The following PACSIN2 variants were observed in gnomAD, a reference collection of about 807,000 sequenced individuals.
PACSIN2 encodes the protein protein kinase C and casein kinase substrate in neurons protein 2.
A neutral mutation model predicts 63.8 loss-of-function variants in PACSIN2; 25 were observed. The observed-to-expected ratio is 0.39, with a 90% CI of 0.29 to 0.55. PACSIN2 has a LOEUF of 0.55. Among genes scored for constraint, PACSIN2 ranks in the 20% least tolerant of loss-of-function variants. The pLI is 0.62. For missense variants in PACSIN2, 518 were observed against 646.9 expected, an observed-to-expected ratio of 0.80 and a Z score of 2.16; for synonymous variants, 255 against 256.2, an observed-to-expected ratio of 1.00 and a Z score of 0.05.
intron 2 of PACSIN2, among the ~76,000 whole-genome samples, chr22:42,901,968 G>A (rs76046212): frequency 5.7e-4 from 87 of 152,312 alleles, no homozygotes; most frequent in Middle Eastern, 3.4e-3. Context: ...GTCTGCTGAT[G>A]CCACCAGCTG....
At chr22:42,898,429 G>C (rs1353161220) in intron 2 of PACSIN2, among the ~76,000 whole-genome samples, 1 of 151,926 alleles carries the variant, frequency 6.6e-6, no homozygotes, top group Non-Finnish European at 1.5e-5. Context: ...GCGCCACCAC[G>C]CCCAGCTAAT....
rs898827517 is a variant in PACSIN2, at chr22:42,871,254, T to C, written c.*103A>G. On this transcript the variant is annotated 3_prime_UTR_variant, in exon 11 of 11. Coordinates refer to ENST00000263246, the MANE Select transcript of PACSIN2 (RefSeq NM_001184970.3). The surrounding 1 kb of genome is among the most constrained non-coding windows in gnomAD (Gnocchi z 5.4). ...AGGAACACCATGAAGCCAAGAGCAA[T>C]GGAACCATCATCTCTTGCAGGAAAA... The C allele has an allele frequency of 5.4e-6, 4 of 747,054 alleles. No individual in the cohort carries two copies. Among genetic ancestry groups the C allele is most frequent in the African/African-American group, 1.7e-5 (1 of 58,290 alleles). 46.3% of individuals were successfully genotyped at this position (747,054 alleles called of 1,614,324 possible). A position where few individuals can be genotyped will look rare whatever the true frequency, so the allele number is the denominator to read the frequency against.
Position 42,905,234 on chromosome 22 carries a change from G to A in PACSIN2, c.60+6787C>T, listed in dbSNP as rs140853278. ...GCATTCAGAATGATGGCATTCACAC[G>A]GGGGGAAGACAGGTCTGTCTGCACA... is the stretch of plus-strand genomic sequence containing the variant. On this transcript the variant is annotated intron_variant, in intron 2 of 10. Transcript: ENST00000263246. Among the ~76,000 whole-genome samples the A allele has an allele frequency of 2.1e-3, 318 of 152,316 alleles. 1 individual carries two copies. The highest frequency in any genetic ancestry group is 7.0e-3 in the African/African-American group (293 of 41,570).
At chr22:42,976,375 G>A (rs1479755970) in intron 1 of PACSIN2, among the ~76,000 whole-genome samples, 1 of 152,210 alleles carries the variant, frequency 6.6e-6, no homozygotes, top group Non-Finnish European at 1.5e-5. Context: ...ATGCACACTT[G>A]CTCCAGACAG....
intron 2 of PACSIN2, among the ~76,000 whole-genome samples, chr22:42,893,907 G>C (rs1930101100): frequency 6.6e-6 from 1 of 152,158 alleles, no homozygotes; most frequent in Non-Finnish European, 1.5e-5. Context: ...GCTCAGGAAG[G>C]GGTGGGGCTG....
intron 4 of PACSIN2, among the ~76,000 whole-genome samples, chr22:42,889,263 G>A (rs908607141): frequency 1.4e-4 from 22 of 151,960 alleles, no homozygotes; most frequent in African/African-American, 4.8e-5. Flanking sequence ...ATGCCAGGCC[G>A]CAGGATCGGC....
At chr22:42,925,628 C>T (rs1932489470) in intron 1 of PACSIN2, among the ~76,000 whole-genome samples, 2 of 152,048 alleles carry the variant, frequency 1.3e-5, no homozygotes, top group South Asian at 4.1e-4. Context: ...AGTTGAAGAG[C>T]CTGGGTAATT....
chr22:42,877,516 T>A (rs1928736370), intron 8 of PACSIN2, among the ~76,000 whole-genome samples: 1 of 152,174 alleles, frequency 6.6e-6, no homozygotes, highest in Admixed American at 6.5e-5. Flanking sequence ...CTCGCTCTTC[T>A]GCTCTGTGGA....
intron 1 of PACSIN2, among the ~76,000 whole-genome samples, chr22:42,995,795 G>A (rs1296139382): frequency 1.3e-5 from 2 of 152,196 alleles, no homozygotes; most frequent in African/African-American, 4.8e-5. Context: ...CAGGCACAGT[G>A]ACCCACACCT....
At chr22:43,003,933 T>C (rs913482592) in intron 1 of PACSIN2, among the ~76,000 whole-genome samples, 1 of 152,140 alleles carries the variant, frequency 6.6e-6, no homozygotes, top group East Asian at 1.9e-4. Flanking sequence ...TGTGCCCTTA[T>C]CTCCCTGCTG....
At chr22:42,922,916 G>T (rs1404770674) in intron 1 of PACSIN2, among the ~76,000 whole-genome samples, 1 of 152,114 alleles carries the variant, frequency 6.6e-6, no homozygotes, top group Non-Finnish European at 1.5e-5. Context: ...CTGGGGGTGG[G>T]GCGGGCTTAC....
chr22:42,929,362 T>C (rs1932726073), intron 1 of PACSIN2, among the ~76,000 whole-genome samples: 1 of 152,238 alleles, frequency 6.6e-6, no homozygotes, highest in Non-Finnish European at 1.5e-5. Context: ...CAATTAATAT[T>C]TGTATCTTGC....
chr22:43,009,458 C>T (rs1924309680), intron 1 of PACSIN2, among the ~76,000 whole-genome samples: 1 of 152,178 alleles, frequency 6.6e-6, no homozygotes, highest in African/African-American at 2.4e-5. Flanking sequence ...TGGAATAATC[C>T]AGTTCTTAAT....
chr22:42,955,769 G>A (rs8135128), intron 1 of PACSIN2, among the ~76,000 whole-genome samples: 9,168 of 152,240 alleles, frequency 0.06, 905 homozygotes, highest in African/African-American at 0.21. Flanking sequence ...TGAGGTGACC[G>A]TCCCTATAGA....
chr22:42,952,105 T>C (rs973088205), intron 1 of PACSIN2, among the ~76,000 whole-genome samples: 14 of 152,208 alleles, frequency 9.2e-5, no homozygotes, highest in Non-Finnish European at 1.6e-4. Context: ...ACCTGCCAAA[T>C]TATCTTTTCT....
intron 10 of PACSIN2, among the ~76,000 whole-genome samples, chr22:42,874,722 C>T (rs1278533959): frequency 2.0e-5 from 3 of 152,234 alleles, no homozygotes; most frequent in Non-Finnish European, 4.4e-5. Context: ...TGGCCAACAG[C>T]TTCTCCAGAT....
chr22:42,940,316 C>T (rs1220398949), intron 1 of PACSIN2, among the ~76,000 whole-genome samples: 1 of 152,162 alleles, frequency 6.6e-6, no homozygotes, highest in Non-Finnish European at 1.5e-5. Context: ...CAGAGTGAGT[C>T]ATTAGATCGT....
chr22:42,995,087 C>T (rs538431984), intron 1 of PACSIN2, among the ~76,000 whole-genome samples: 10 of 152,362 alleles, frequency 6.6e-5, no homozygotes, highest in East Asian at 1.9e-4. Flanking sequence ...CTCCCCGCCT[C>T]GGGGCTGCTC....
intron 1 of PACSIN2, among the ~76,000 whole-genome samples, chr22:42,986,553 G>A (rs1435197627): frequency 2.6e-5 from 4 of 152,164 alleles, no homozygotes; most frequent in Non-Finnish European, 5.9e-5. Flanking sequence ...TTGGGGCCCT[G>A]CACGCTGCTG....
Sources: gnomAD v4.1 joint callset for allele counts (sites outside exome capture counted in the v4.1 genomes callset) on GRCh38, gnomAD v4.1.1 for gene constraint, Gnocchi (gnomAD v3.1) non-coding constraint, MANE v1.5 for transcripts, NCBI Gene and HGNC (gene_info 2026-07-23, HGNC 2026-07-21) for gene names.